GYG2: variants seen among roughly 807,000 people sequenced by gnomAD.
The protein encoded by GYG2 is glycogenin-2.
GYG2 carries 29 observed loss-of-function variants against 29.4 expected under a neutral mutation model. The observed-to-expected ratio is 0.99, with a 90% CI of 0.74 to 1.35. The LOEUF is 1.35. Among genes scored for constraint, GYG2 ranks in the 40% most tolerant of loss-of-function variants. The probability of loss-of-function intolerance (pLI) is 0.00; values close to 1 mark genes in which losing one functional copy is unlikely to be tolerated. For synonymous variants in GYG2, 167 were observed against 172.3 expected (o/e 0.97, Z 0.24); for missense variants, 370 against 385.7 (o/e 0.96, Z 0.34).
chrX:2,848,359 T>G (rs5982890), intron 3 of GYG2, among the ~76,000 whole-genome samples: 15,598 of 109,797 alleles, frequency 0.14, 845 homozygotes, highest in East Asian at 0.25. Context: ...ACCAACATGG[T>G]GAAACCCCGT....
At chrX:2,837,843 AC>A (rs1416341057) in intron 2 of GYG2, among the ~76,000 whole-genome samples, 9 of 51,588 alleles carry the variant, frequency 1.7e-4, no homozygotes, top group African/African-American at 6.7e-4. Flanking sequence ...TTAAATACAC[AC>A]ACACACACAC....
intron 8 of GYG2, among the ~76,000 whole-genome samples, chrX:2,866,312 T>C: frequency 9.0e-6 from 1 of 111,514 alleles, no homozygotes; most frequent in Non-Finnish European, 1.9e-5. Flanking sequence ...CTGAGCAACA[T>C]AGCAAAACCC....
chrX:2,842,256 G>T (rs2147147443), intron 2 of GYG2, among the ~76,000 whole-genome samples: 1 of 109,156 alleles, frequency 9.2e-6, no homozygotes, highest in African/African-American at 3.3e-5. Flanking sequence ...GTTCAGTAGT[G>T]TGATCATGGC....
chrX:2,854,129 G>A lies in GYG2; in HGVS notation c.299G>A (p.Cys100Tyr). The change falls in exon 4 of 11, where the codon TGT becomes TAT. Residue 100 changes from cysteine (C) to tyrosine (Y), a missense_variant. Cys to Tyr is a radical substitution (Grantham distance 194, BLOSUM62 -2). Coordinates refer to ENST00000398806, the MANE Select transcript of GYG2 (RefSeq NM_001079855.2). Reference sequence around the variant, plus strand: ...TGGACTCTCACTCACTACAGCAAGTGTGTCTTCCTGGATGCAGACACTCTG... The same window carrying A: ...TGGACTCTCACTCACTACAGCAAGTATGTCTTCCTGGATGCAGACACTCTG... ...HCWTLTHYSK[C>Y]VFLDADTLVL... 1 of 1,197,311 alleles carries A rather than the reference G, an allele frequency of 8.4e-7. No individual in the cohort carries two copies. Among genetic ancestry groups the A allele is most frequent in the South Asian group, 1.8e-5 (1 of 55,195 alleles).
intron 8 of GYG2, among the ~76,000 whole-genome samples, chrX:2,864,151 CAT>C (rs767029706): frequency 8.9e-6 from 1 of 111,989 alleles, no homozygotes; most frequent in Admixed American, 9.5e-5. Context: ...GCTTCGAAAA[CAT>C]AAATTTAGGA....
intron 5 of GYG2, 28 bp from the exon 6 acceptor site, chrX:2,856,470 C>T (rs2087986327): frequency 1.7e-6 from 2 of 1,204,821 alleles, no homozygotes; most frequent in African/African-American, 3.5e-5. Context: ...ACTTTGCTAA[C>T]CTGCTTTTGT....
chrX:2,829,643 C>T (rs1448206933), intron 1 of GYG2, among the ~76,000 whole-genome samples: 1 of 96,327 alleles, frequency 1.0e-5, no homozygotes, highest in African/African-American at 4.0e-5. Context: ...TACTGGCGTC[C>T]GGGAGCGCAG....
chrX:2,830,643 C>T (rs1429911103), intron 2 of GYG2, among the ~76,000 whole-genome samples: 3 of 111,926 alleles, frequency 2.7e-5, no homozygotes, highest in South Asian at 3.7e-4. Flanking sequence ...AGGGATGGCC[C>T]GGCTTGGTGG....
In GYG2 at chrX:2,859,912, A is replaced by T. The variant is rs140343886; in HGVS notation, c.684A>T (p.Pro228=). The T allele has an allele frequency of 9.6e-5, 115 of 1,203,717 alleles. No individual in the cohort carries two copies. Among genetic ancestry groups the T allele is most frequent in the Non-Finnish European group, 1.2e-4 (103 of 890,373 alleles). ...AACCTTGGAACTACAAGTACAATCCACAGAGTGGCTCGGTGTTGGAGCAAG... is the reference window on the plus strand; with the variant it reads ...AACCTTGGAACTACAAGTACAATCCTCAGAGTGGCTCGGTGTTGGAGCAAG... The part of the protein sequence containing the change: ...SMKPWNYKYN[P]QSGSVLEQGS... The change falls in exon 7 of 11, where the codon CCA becomes CCT. Residue 228 remains proline (P), a synonymous_variant. Transcript: ENST00000398806.
intron 3 of GYG2, among the ~76,000 whole-genome samples, chrX:2,850,762 AC>A (rs1010784636): frequency 5.5e-5 from 6 of 109,292 alleles, no homozygotes; most frequent in Non-Finnish European, 1.1e-4. Flanking sequence ...CCAGAGAACA[AC>A]CCCCCTTTGA....
intron 3 of GYG2, among the ~76,000 whole-genome samples, chrX:2,852,314 G>A (rs1228402403): frequency 9.0e-6 from 1 of 111,622 alleles, no homozygotes; most frequent in Admixed American, 9.6e-5. Context: ...TTTTGGGCTT[G>A]TTGTTTTTTG....
At chrX:2,877,332 C>T in intron 10 of GYG2, 25 bp downstream of exon 10, 19 of 1,202,289 alleles carry the variant, frequency 1.6e-5, no homozygotes, top group Non-Finnish European at 2.0e-5. Flanking sequence ...CTTCCCCTTG[C>T]CCAAGGCTCC....
chrX:2,877,917 T>C (rs1163870389), intron 10 of GYG2: 1 of 747,324 alleles, frequency 1.3e-6, no homozygotes, highest in Non-Finnish European at 1.6e-6. Context: ...AGACTGAAAG[T>C]TGGTATTGAA....
intron 2 of GYG2, among the ~76,000 whole-genome samples, chrX:2,839,875 G>A (rs774905269): frequency 3.9e-4 from 44 of 112,314 alleles, no homozygotes; most frequent in Non-Finnish European, 6.8e-4. Context: ...GACAGAAAGC[G>A]GACTCATGGT....
intron 2 of GYG2, among the ~76,000 whole-genome samples, chrX:2,833,033 A>G (rs2087300169): frequency 8.9e-6 from 1 of 112,084 alleles, no homozygotes; most frequent in Admixed American, 9.4e-5. Context: ...TTATTTGAAT[A>G]CTACTGTGTT....
At chrX:2,853,951 T>C (rs1342119940) in intron 3 of GYG2, 29 bp from the exon 4 acceptor site, 1 of 1,109,327 alleles carries the variant, frequency 9.0e-7, no homozygotes, top group Non-Finnish European at 1.2e-6. Context: ...TCACCCGCTG[T>C]CCCACTATTT....
intron 2 of GYG2, among the ~76,000 whole-genome samples, chrX:2,835,969 A>T (rs2087362902): frequency 9.0e-6 from 1 of 110,647 alleles, no homozygotes; most frequent in Non-Finnish European, 1.9e-5. Flanking sequence ...CAGGGTTTGC[A>T]GGAAGATCTC....
Position 2,837,723 on chromosome X carries a change from A to AATTG in GYG2, c.8-5489_8-5486dup, listed in dbSNP as rs200153390. ...TTAATACTGCCAATGAAAGGCTAAA[A>AATTG]ATTGTAAATGGCACTTTATTTTCAG... On this transcript the variant is annotated intron_variant, in intron 2 of 10. Coordinates refer to ENST00000398806, the MANE Select transcript of GYG2 (RefSeq NM_001079855.2). 6.2e-3 allele frequency among the ~76,000 whole-genome samples: 689 copies of AATTG among 111,363 alleles called. 6 individuals are homozygous for AATTG. The highest frequency in any genetic ancestry group is 0.021 in the African/African-American group (636 of 30,627).
intron 2 of GYG2, among the ~76,000 whole-genome samples, chrX:2,839,750 T>C (rs763308286): frequency 2.7e-5 from 3 of 111,999 alleles, no homozygotes; most frequent in Admixed American, 9.5e-5. Context: ...GCGAATTTTA[T>C]GTCATGTGAA....
Sources: allele counts gnomAD v4.1 joint callset (sites outside exome capture counted in the v4.1 genomes callset), GRCh38; gene constraint gnomAD v4.1.1; transcripts MANE v1.5; gene names NCBI Gene and HGNC (gene_info 2026-07-23, HGNC 2026-07-21).